The following RABGAP1L variants were observed in gnomAD, a reference collection of about 807,000 sequenced individuals.
The protein encoded by RABGAP1L is RAB GTPase activating protein 1 like, also known as rab GTPase-activating protein 1-like.
A neutral mutation model predicts 137.7 loss-of-function variants in RABGAP1L; 63 were observed. That is an observed-to-expected ratio of 0.46 (90% CI 0.37 to 0.56). The LOEUF (loss-of-function observed/expected upper bound fraction) is 0.56, where lower values mean the gene tolerates loss of function less well. Ranked by LOEUF, RABGAP1L falls within the 20% of genes least tolerant of loss-of-function variation. The pLI, the probability that RABGAP1L is intolerant of heterozygous loss-of-function variation, is 0.00. For synonymous variants in RABGAP1L, 431 were observed against 433.7 expected (o/e 0.99, Z 0.08); for missense variants, 1,095 against 1,244.0 (o/e 0.88, Z 1.80).
intron 13 of RABGAP1L, among the ~76,000 whole-genome samples, chr1:174,446,095 G>A (rs1039887854): frequency 6.6e-6 from 1 of 152,212 alleles, no homozygotes; most frequent in African/African-American, 2.4e-5. Context: ...AGGATGAGGA[G>A]GAGGAGTAGG....
intron 13 of RABGAP1L, among the ~76,000 whole-genome samples, chr1:174,572,267 T>G (rs933793321): frequency 1.3e-5 from 2 of 152,234 alleles, no homozygotes; most frequent in African/African-American, 2.4e-5. Flanking sequence ...TTGAGAAGAC[T>G]AAATGAAGTA....
At chr1:174,707,841 G>A (rs1403664978) in intron 17 of RABGAP1L, among the ~76,000 whole-genome samples, 1 of 152,168 alleles carries the variant, frequency 6.6e-6, no homozygotes, top group African/African-American at 2.4e-5. Context: ...TTAAGTGAGT[G>A]ACCTTAATGG....
chr1:174,821,670 G>A (rs1014471501), intron 19 of RABGAP1L, among the ~76,000 whole-genome samples: 5 of 152,158 alleles, frequency 3.3e-5, no homozygotes, highest in Admixed American at 6.5e-5. Flanking sequence ...CATGCTGTTT[G>A]CTATTTATTC....
intron 17 of RABGAP1L, among the ~76,000 whole-genome samples, chr1:174,722,330 T>C (rs780877219): frequency 2.0e-5 from 3 of 152,378 alleles, no homozygotes; most frequent in Middle Eastern, 6.8e-3. Flanking sequence ...ATTCTACACT[T>C]ACACGAATGG....
chr1:174,743,968 C>CT (rs61152923), intron 17 of RABGAP1L, among the ~76,000 whole-genome samples: 36 of 149,288 alleles, frequency 2.4e-4, no homozygotes, highest in Admixed American at 1.5e-3. Context: ...GGGAGTCATC[C>CT]TTTTTTTTTG....
chr1:174,651,058 G>A (rs1008450694), intron 14 of RABGAP1L, among the ~76,000 whole-genome samples: 1 of 151,732 alleles, frequency 6.6e-6, no homozygotes, highest in African/African-American at 2.4e-5. Flanking sequence ...TGGTTTCAAA[G>A]AACATCTTTA....
intron 14 of RABGAP1L, among the ~76,000 whole-genome samples, chr1:174,656,402 G>A (rs1262025832): frequency 6.6e-6 from 1 of 152,202 alleles, no homozygotes; most frequent in Non-Finnish European, 1.5e-5. Flanking sequence ...AGGTTGCAGA[G>A]AGCCGAGATC....
chr1:174,799,768 G>A lies in RABGAP1L; in HGVS notation c.2212-12064G>A, dbSNP rs943044968. ...TGATTCACAGCGAGAGGCAGCAGCA[G>A]CAGCAGTAGCAGCAGCAGCAGCAAC... is the stretch of plus-strand genomic sequence containing the variant. On this transcript the variant is annotated intron_variant, in intron 18 of 25. Coordinates refer to ENST00000681986, the MANE Select transcript of RABGAP1L (RefSeq NM_001366446.1). The A allele has an allele frequency of 3.5e-6, 3 of 863,332 alleles. No homozygotes were observed. In the African/African-American group the frequency reaches 5.7e-5, roughly 16 times the overall value. 53.5% of individuals were successfully genotyped at this position (863,332 alleles called of 1,614,324 possible).
intron 1 of RABGAP1L, among the ~76,000 whole-genome samples, chr1:174,166,906 A>G (rs917522305): frequency 6.6e-6 from 1 of 152,214 alleles, no homozygotes; most frequent in Non-Finnish European, 1.5e-5. Flanking sequence ...GTAAATAACT[A>G]CTTGGTTGGT....
chr1:174,687,186 A>G (rs941978566), intron 15 of RABGAP1L, among the ~76,000 whole-genome samples: 2 of 152,140 alleles, frequency 1.3e-5, no homozygotes, highest in African/African-American at 4.8e-5. Flanking sequence ...CGAGAGCTCA[A>G]ATACCCAGAA....
chr1:174,324,589 A>G (rs1383669984), intron 11 of RABGAP1L, among the ~76,000 whole-genome samples: 1 of 152,224 alleles, frequency 6.6e-6, no homozygotes, highest in Non-Finnish European at 1.5e-5. Flanking sequence ...CTTCAGAGTC[A>G]TCAGTATGAA....
intron 19 of RABGAP1L, among the ~76,000 whole-genome samples, chr1:174,913,408 T>C (rs1355299861): frequency 1.3e-5 from 2 of 152,234 alleles, no homozygotes; most frequent in Non-Finnish European, 2.9e-5. Flanking sequence ...CTTGTGTTTC[T>C]AGAGATAGAA....
At chr1:174,195,612 T>TTC (rs1667530782) in intron 1 of RABGAP1L, among the ~76,000 whole-genome samples, 48 of 59,952 alleles carry the variant, frequency 8.0e-4, no homozygotes, top group South Asian at 2.9e-3. Flanking sequence ...TTTCTTTCTT[T>TTC]CTTTCTTCCT....
chr1:174,989,727 G>A, intron 25 of RABGAP1L, 122 bp from the exon 26 acceptor site: 1 of 1,080,322 alleles, frequency 9.3e-7, no homozygotes, highest in Non-Finnish European at 1.3e-6. Flanking sequence ...TCTCTCCTGG[G>A]TTTTGTGGGA....
intron 10 of RABGAP1L, among the ~76,000 whole-genome samples, chr1:174,297,170 A>G (rs1677202944): frequency 1.3e-5 from 2 of 152,204 alleles, no homozygotes; most frequent in African/African-American, 4.8e-5. Context: ...TCCCTATAAC[A>G]AAAGACAGAA....
intron 11 of RABGAP1L, among the ~76,000 whole-genome samples, chr1:174,308,254 T>C (rs1678487973): frequency 6.6e-6 from 1 of 151,998 alleles, no homozygotes; most frequent in South Asian, 2.1e-4. Flanking sequence ...TCTGTATATA[T>C]ACACACACAT....
At chr1:174,692,734 G>T in intron 15 of RABGAP1L, among the ~76,000 whole-genome samples, 1 of 152,108 alleles carries the variant, frequency 6.6e-6, no homozygotes, top group East Asian at 1.9e-4. Context: ...AATTGTCAAT[G>T]TATAAGACAG....
At chr1:174,881,619 C>G (rs1464652070) in intron 19 of RABGAP1L, among the ~76,000 whole-genome samples, 1 of 149,524 alleles carries the variant, frequency 6.7e-6, no homozygotes, top group African/African-American at 2.5e-5. Flanking sequence ...TCTGCTTAAG[C>G]CTCCCCAATA....
chr1:174,174,809 C>T (rs1246893093), intron 1 of RABGAP1L, among the ~76,000 whole-genome samples: 1 of 152,196 alleles, frequency 6.6e-6, no homozygotes, highest in African/African-American at 2.4e-5. Context: ...TATCCCCCAG[C>T]AGATTGGATG....
Sources: gnomAD v4.1 joint callset for allele counts (sites outside exome capture counted in the v4.1 genomes callset) on GRCh38, gnomAD v4.1.1 for gene constraint, MANE v1.5 for transcripts, NCBI Gene and HGNC (gene_info 2026-07-23, HGNC 2026-07-21) for gene names.